Variants in RNLS observed in about 807,000 individuals in gnomAD.
The protein encoded by RNLS is renalase.
Under a neutral mutation model 39.8 loss-of-function variants are expected in RNLS, and 39 were observed. That is an observed-to-expected ratio of 0.98 (90% CI 0.76 to 1.28). RNLS has a LOEUF of 1.28. Ranked by LOEUF, RNLS falls within the 50% of genes most tolerant of loss-of-function variation. RNLS has a pLI of 0.00. For synonymous variants in RNLS, 147 were observed against 150.7 expected, an observed-to-expected ratio of 0.98 and a Z score of 0.18; for missense variants, 410 against 413.3, an observed-to-expected ratio of 0.99 and a Z score of 0.07.
the RNLS span, among the ~76,000 whole-genome samples, chr10:88,203,198 C>G: frequency 2.1e-5 from 3 of 140,444 alleles, no homozygotes; most frequent in Non-Finnish European, 4.6e-5. Context: ...GTTAAAACTC[C>G]AAGATGAATA....
At position 88,583,100 on chromosome 10, in the gene RNLS, C is replaced by T; in HGVS notation, c.91G>A (p.Ala31Thr). ...GAGTCCTCAGCCTTGTCCCACACAGCAAGGTACAAGGGACCGGACGTCTGC... is the reference window on the plus strand; with the variant it reads ...GAGTCCTCAGCCTTGTCCCACACAGTAAGGTACAAGGGACCGGACGTCTGC... The part of the protein sequence containing the change: ...RRQTSGPLYL[A>T]VWDKAEDSGG... Residue 31 changes from alanine (A) to threonine (T), a missense_variant, in exon 1 of 7, where the codon GCT becomes ACT. Ala to Thr is a moderately conservative substitution (Grantham distance 58). Coordinates refer to ENST00000331772, the MANE Select transcript of RNLS (RefSeq NM_001031709.3). 6.2e-7 allele frequency: 1 copy of T among 1,614,056 alleles called. No individual in the cohort carries two copies. Among genetic ancestry groups the T allele is most frequent in the Non-Finnish European group, 8.5e-7 (1 of 1,179,936 alleles).
At chr10:88,520,433 C>A (rs1846658489) in intron 4 of RNLS, among the ~76,000 whole-genome samples, 1 of 152,026 alleles carries the variant, frequency 6.6e-6, no homozygotes. Context: ...GTCAGTTTCA[C>A]CAATCTCATA....
At chr10:88,421,237 T>C (rs902070877) in intron 4 of RNLS, among the ~76,000 whole-genome samples, 1 of 152,206 alleles carries the variant, frequency 6.6e-6, no homozygotes, top group African/African-American at 2.4e-5. Context: ...ATATTGTTGA[T>C]GATATTTTAC....
At chr10:88,231,618 C>T in the RNLS span, among the ~76,000 whole-genome samples, 5 of 152,190 alleles carry the variant, frequency 3.3e-5, no homozygotes, top group African/African-American at 1.2e-4. Context: ...TTTCTCCCTT[C>T]CTGTCATCCT....
intron 4 of RNLS, among the ~76,000 whole-genome samples, chr10:88,413,089 G>A (rs999982405): frequency 6.6e-6 from 1 of 152,144 alleles, no homozygotes; most frequent in Non-Finnish European, 1.5e-5. Context: ...CAGATTAACT[G>A]TCTGAGGTCA....
the RNLS span, among the ~76,000 whole-genome samples, chr10:88,206,906 C>T: frequency 1.3e-5 from 2 of 152,076 alleles, no homozygotes; most frequent in Non-Finnish European, 2.9e-5. Flanking sequence ...AAGCCAGGGA[C>T]TCTTTAGCCT....
chr10:88,269,910 A>G (rs1170220825), downstream of RNLS, among the ~76,000 whole-genome samples: 5 of 152,080 alleles, frequency 3.3e-5, no homozygotes, highest in Admixed American at 6.6e-5. Flanking sequence ...TGCAGTGGCA[A>G]GATCTTGTCT....
chr10:88,247,770 G>C, the RNLS span, among the ~76,000 whole-genome samples: 1 of 152,146 alleles, frequency 6.6e-6, no homozygotes, highest in Non-Finnish European at 1.5e-5. Context: ...TGATCACCTG[G>C]GTAGGCCCAA....
At chr10:88,496,936 G>A (rs983741256) in intron 4 of RNLS, among the ~76,000 whole-genome samples, 3 of 152,012 alleles carry the variant, frequency 2.0e-5, no homozygotes, top group African/African-American at 4.8e-5. Flanking sequence ...GGGAGGAAAG[G>A]ATAGGCACAC....
chr10:88,203,225 T>A, the RNLS span, among the ~76,000 whole-genome samples: 1 of 816 alleles, frequency 1.2e-3, no homozygotes, highest in Non-Finnish European at 2.9e-3. Context: ...TAGCAAAAAG[T>A]GTGTGTGTGT....
chr10:88,210,648 C>A, the RNLS span, among the ~76,000 whole-genome samples: 1 of 152,066 alleles, frequency 6.6e-6, no homozygotes, highest in Non-Finnish European at 1.5e-5. Context: ...CTTTTTGAAT[C>A]TTAAGGACTA....
At chr10:88,223,237 C>G in the RNLS span, among the ~76,000 whole-genome samples, 3 of 152,210 alleles carry the variant, frequency 2.0e-5, no homozygotes, top group Non-Finnish European at 2.9e-5. Context: ...TAAACACTAT[C>G]AAGTAAAAGC....
chr10:88,525,161 C>T (rs1445135733), intron 4 of RNLS, among the ~76,000 whole-genome samples: 5 of 151,496 alleles, frequency 3.3e-5, no homozygotes, highest in Admixed American at 1.3e-4. Flanking sequence ...TTAAACCAAA[C>T]ATTTAATACC....
chr10:88,196,293 T>C, the RNLS span, among the ~76,000 whole-genome samples: 2 of 152,248 alleles, frequency 1.3e-5, no homozygotes, highest in Admixed American at 1.3e-4. Flanking sequence ...GTTTTATTCA[T>C]AGGCAAAGCC....
intron 5 of RNLS, among the ~76,000 whole-genome samples, chr10:88,354,578 A>G (rs1848997581): frequency 6.6e-6 from 1 of 152,182 alleles, no homozygotes. Context: ...TTCTGCCGAG[A>G]GATCAGCTGT....
At chr10:88,256,637 C>G in the RNLS span, among the ~76,000 whole-genome samples, 1 of 152,188 alleles carries the variant, frequency 6.6e-6, no homozygotes, top group African/African-American at 2.4e-5. Context: ...GAGGCTGTAT[C>G]TTGGGCAGAG....
chr10:88,387,462 A>G (rs1001370324), intron 4 of RNLS, among the ~76,000 whole-genome samples: 3 of 149,350 alleles, frequency 2.0e-5, no homozygotes, highest in Non-Finnish European at 4.4e-5. Context: ...AGGACAAGAG[A>G]CAGAAGAAGC....
intron 6 of RNLS, among the ~76,000 whole-genome samples, chr10:88,300,011 G>T (rs1324673497): frequency 1.3e-5 from 2 of 152,134 alleles, no homozygotes; most frequent in African/African-American, 4.8e-5. Flanking sequence ...GATATAAGAA[G>T]GTGTCATAAT....
intron 5 of RNLS, among the ~76,000 whole-genome samples, chr10:88,351,275 T>G (rs1848687019): frequency 6.6e-6 from 1 of 152,240 alleles, no homozygotes; most frequent in African/African-American, 2.4e-5. Context: ...TGCCATTGCT[T>G]TTGGTGCTTT....
Sources: allele counts gnomAD v4.1 joint callset (sites outside exome capture counted in the v4.1 genomes callset), GRCh38; gene constraint gnomAD v4.1.1; transcripts MANE v1.5; gene names NCBI Gene and HGNC (gene_info 2026-07-23, HGNC 2026-07-21).